Variants in TAFA1 observed in about 807,000 individuals in gnomAD.
TAFA1 encodes TAFA chemokine like family member 1.
TAFA1 carries 4 observed loss-of-function variants against 18.5 expected under a neutral mutation model. The observed-to-expected ratio is 0.22, with a 90% CI of 0.11 to 0.49. The LOEUF (loss-of-function observed/expected upper bound fraction) is 0.49. Ranked by LOEUF, TAFA1 falls within the 20% of genes least tolerant of loss-of-function variation. The pLI, the probability that TAFA1 is intolerant of heterozygous loss-of-function variation, is 0.98. For synonymous variants in TAFA1, 56 were observed against 55.2 expected (o/e 1.01, Z -0.06); for missense variants, 147 against 169.0 (o/e 0.87, Z 0.72).
Position 68,215,926 on chromosome 3 carries a change from T to A in TAFA1, c.119-201354T>A, listed in dbSNP as rs370537489. ...AACAACCAAGATGTCCTTCAATCAG[T>A]GAATTGATAAACAAACTGTGGTACA... is the stretch of plus-strand genomic sequence containing the variant. On this transcript the variant is annotated intron_variant, in intron 2 of 4. Coordinates refer to ENST00000478136, the MANE Select transcript of TAFA1 (RefSeq NM_213609.4). 6.6e-5 allele frequency among the ~76,000 whole-genome samples: 10 copies of A among 152,160 alleles called. No individual in the cohort carries two copies. In the East Asian group the frequency reaches 9.7e-4, roughly 15 times the overall value.
chr3:68,106,073 A>G (rs1364601934), intron 2 of TAFA1, among the ~76,000 whole-genome samples: 1 of 152,102 alleles, frequency 6.6e-6, no homozygotes, highest in Non-Finnish European at 1.5e-5. Flanking sequence ...AAGCCCTTCT[A>G]TCTAACTTTC....
intron 2 of TAFA1, among the ~76,000 whole-genome samples, chr3:68,224,207 T>G (rs2107100188): frequency 6.6e-6 from 1 of 152,130 alleles, no homozygotes; most frequent in East Asian, 1.9e-4. Context: ...GTAGGCAAAT[T>G]TAAGACATCC....
chr3:68,114,172 A>G (rs374718647), intron 2 of TAFA1, among the ~76,000 whole-genome samples: 39 of 152,062 alleles, frequency 2.6e-4, no homozygotes, highest in Non-Finnish European at 4.6e-4. Context: ...CAGATAGCCT[A>G]CAGGAGGACG....
chr3:68,145,138 G>A (rs1559536765), intron 2 of TAFA1: 10 of 903,662 alleles, frequency 1.1e-5, no homozygotes, highest in Non-Finnish European at 1.9e-5. Context: ...CTTTATGTTT[G>A]CTCCGTAATG....
At chr3:68,131,752 C>T (rs1232564696) in intron 2 of TAFA1, among the ~76,000 whole-genome samples, 1 of 152,156 alleles carries the variant, frequency 6.6e-6, no homozygotes, top group Non-Finnish European at 1.5e-5. Context: ...GCTTTTAGAG[C>T]CCAAGAGCCT....
intron 3 of TAFA1, among the ~76,000 whole-genome samples, chr3:68,523,945 C>G (rs918869258): frequency 1.1e-4 from 17 of 152,156 alleles, no homozygotes; most frequent in Non-Finnish European, 2.9e-5. Context: ...TCATTACTTG[C>G]TTGATGCTTT....
chr3:68,246,538 C>T (rs997895432), intron 2 of TAFA1, among the ~76,000 whole-genome samples: 54 of 128,446 alleles, frequency 4.2e-4, no homozygotes, highest in Non-Finnish European at 7.0e-4. Context: ...TGCAGTGAGC[C>T]GAGATGGTGC....
intron 3 of TAFA1, among the ~76,000 whole-genome samples, chr3:68,514,629 G>A (rs1192703042): frequency 6.6e-6 from 1 of 151,158 alleles, no homozygotes; most frequent in Non-Finnish European, 1.5e-5. Flanking sequence ...TCTACATTGG[G>A]TTCCATCTCA....
At chr3:68,506,609 G>A (rs777972109) in intron 3 of TAFA1, among the ~76,000 whole-genome samples, 1 of 152,114 alleles carries the variant, frequency 6.6e-6, no homozygotes, top group Non-Finnish European at 1.5e-5. Flanking sequence ...CATTTGTTAT[G>A]GTCTGATTGG....
intron 2 of TAFA1, chr3:68,144,897 T>C (rs2106909150): frequency 1.5e-6 from 1 of 669,632 alleles, no homozygotes. Context: ...CATCAAAAAA[T>C]TGGAGATAAT....
intron 2 of TAFA1, among the ~76,000 whole-genome samples, chr3:68,391,704 T>A (rs2070252724): frequency 6.6e-6 from 1 of 152,178 alleles, no homozygotes; most frequent in Non-Finnish European, 1.5e-5. Flanking sequence ...GGGTCCAATA[T>A]TCAACATTCT....
intron 2 of TAFA1, among the ~76,000 whole-genome samples, chr3:68,078,128 T>C (rs1415214269): frequency 1.3e-5 from 2 of 152,068 alleles, no homozygotes; most frequent in East Asian, 3.8e-4. Context: ...TGTTGGTGTA[T>C]AAGAATGCTT....
At chr3:68,407,202 A>G (rs2070628657) in intron 2 of TAFA1, among the ~76,000 whole-genome samples, 2 of 152,170 alleles carry the variant, frequency 1.3e-5, no homozygotes, top group Admixed American at 1.3e-4. Context: ...ACCTGGTCAA[A>G]GATGATAATT....
At chr3:68,384,301 G>A (rs2106684501) in intron 2 of TAFA1, among the ~76,000 whole-genome samples, 1 of 151,732 alleles carries the variant, frequency 6.6e-6, no homozygotes, top group African/African-American at 2.4e-5. Context: ...TTTATGATAT[G>A]GACTTTAAGA....
At chr3:68,166,301 CT>C (rs997929676) in intron 2 of TAFA1, among the ~76,000 whole-genome samples, 3 of 152,182 alleles carry the variant, frequency 2.0e-5, no homozygotes, top group Non-Finnish European at 2.9e-5. Flanking sequence ...TCCTGAGCTA[CT>C]TTTCTCCCCG....
At chr3:68,021,941 A>G (rs571300134) in intron 2 of TAFA1, among the ~76,000 whole-genome samples, 3 of 152,282 alleles carry the variant, frequency 2.0e-5, no homozygotes, top group Non-Finnish European at 4.4e-5. Context: ...GCTTTGATCA[A>G]ACTTTATTAT....
At position 68,180,694 on chromosome 3, in the gene TAFA1, A is replaced by G. The variant is rs554485297; in HGVS notation, c.118+173950A>G. Among the ~76,000 whole-genome samples, 4 of 152,250 alleles carry G rather than the reference A, an allele frequency of 2.6e-5. No homozygotes were observed. The South Asian group carries it at 8.3e-4, about 32-fold the overall frequency. On this transcript the variant is annotated intron_variant, in intron 2 of 4. Coordinates refer to ENST00000478136, the MANE Select transcript of TAFA1 (RefSeq NM_213609.4). Reference sequence around the variant, plus strand: ...CAACTGACATGTTTCAGTCATTTACAATTCTTCCCTGGCCTCTGCAGACCT... The same window carrying G: ...CAACTGACATGTTTCAGTCATTTACGATTCTTCCCTGGCCTCTGCAGACCT...
At chr3:68,340,253 G>C (rs914331379) in intron 2 of TAFA1, among the ~76,000 whole-genome samples, 7 of 152,112 alleles carry the variant, frequency 4.6e-5, no homozygotes, top group Non-Finnish European at 1.0e-4. Flanking sequence ...AAGAAACTAA[G>C]GTTCTCTTTG....
At chr3:68,363,460 T>G (rs929922119) in intron 2 of TAFA1, among the ~76,000 whole-genome samples, 1 of 152,164 alleles carries the variant, frequency 6.6e-6, no homozygotes, top group African/African-American at 2.4e-5. Flanking sequence ...AAAACACCAA[T>G]GTTCAAAGAG....
Sources: allele counts gnomAD v4.1 joint callset (sites outside exome capture counted in the v4.1 genomes callset), GRCh38; gene constraint gnomAD v4.1.1; transcripts MANE v1.5; gene names NCBI Gene and HGNC (gene_info 2026-07-23, HGNC 2026-07-21).